The following ZFPM2 variants were observed in gnomAD, a reference collection of about 807,000 sequenced individuals.
The protein encoded by ZFPM2 is zinc finger protein ZFPM2.
In ZFPM2, 20 loss-of-function variants were observed where a neutral mutation model predicts 98.6. The observed-to-expected ratio is 0.20, with a 90% CI of 0.14 to 0.29. ZFPM2 has a LOEUF of 0.29. Among genes scored for constraint, ZFPM2 ranks in the 10% least tolerant of loss-of-function variants. The pLI is 1.00. For missense variants in ZFPM2, 1,310 were observed against 1,388.6 expected, an observed-to-expected ratio of 0.94 and a Z score of 0.90; for synonymous variants, 518 against 502.7, an observed-to-expected ratio of 1.03 and a Z score of -0.41.
At chr8:105,499,870 C>A (rs1485245667) in intron 3 of ZFPM2, among the ~76,000 whole-genome samples, 3 of 152,082 alleles carry the variant, frequency 2.0e-5, no homozygotes, top group Non-Finnish European at 2.9e-5. Flanking sequence ...GTAGGATTTG[C>A]AATGACAGGA....
chr8:105,613,303 G>A (rs1173579468), intron 4 of ZFPM2, among the ~76,000 whole-genome samples: 2 of 152,006 alleles, frequency 1.3e-5, no homozygotes, highest in East Asian at 3.9e-4. Flanking sequence ...GGAAGAAGAC[G>A]GGGCTGGGAG....
At chr8:105,372,104 G>A (rs534743707) in intron 1 of ZFPM2, among the ~76,000 whole-genome samples, 112 of 151,742 alleles carry the variant, frequency 7.4e-4, no homozygotes, top group Admixed American at 1.4e-3. Flanking sequence ...GTGCAGTGGC[G>A]TGATCTCGGC....
chr8:105,685,539 AT>A (rs545226646), intron 5 of ZFPM2, among the ~76,000 whole-genome samples: 97 of 152,084 alleles, frequency 6.4e-4, no homozygotes, highest in African/African-American at 2.2e-3. Context: ...AACACAAGTG[AT>A]TTTTTATGAC....
intron 5 of ZFPM2, among the ~76,000 whole-genome samples, chr8:105,761,963 C>A (rs922774566): frequency 1.3e-5 from 2 of 151,766 alleles, no homozygotes; most frequent in African/African-American, 4.8e-5. Flanking sequence ...ACTTTTTGAT[C>A]AATAAAAGTT....
chr8:105,736,035 A>G (rs1473719374), intron 5 of ZFPM2, among the ~76,000 whole-genome samples: 1 of 151,904 alleles, frequency 6.6e-6, no homozygotes, highest in Non-Finnish European at 1.5e-5. Context: ...TGTTAAAGAT[A>G]TGTCACTTGA....
chr8:105,571,265 C>T (rs1405035274), intron 4 of ZFPM2, among the ~76,000 whole-genome samples: 1 of 152,086 alleles, frequency 6.6e-6, no homozygotes, highest in African/African-American at 2.4e-5. Context: ...TCGTATTTGC[C>T]AAAAACAGAA....
chr8:105,338,693 G>A (rs1650009071), intron 1 of ZFPM2, among the ~76,000 whole-genome samples: 1 of 151,822 alleles, frequency 6.6e-6, no homozygotes. Context: ...TAAAAACTCA[G>A]CTTTCTCTTA....
chr8:105,321,616 C>G (rs1179800082), intron 1 of ZFPM2, among the ~76,000 whole-genome samples: 1 of 151,726 alleles, frequency 6.6e-6, no homozygotes, highest in Non-Finnish European at 1.5e-5. Context: ...TTTTCTTTTA[C>G]TGCATACAGT....
chr8:105,527,500 T>TAAAACA (rs1814200024), intron 3 of ZFPM2, among the ~76,000 whole-genome samples: 2 of 152,220 alleles, frequency 1.3e-5, no homozygotes, highest in African/African-American at 4.8e-5. Context: ...AGTTTTGTTT[T>TAAAACA]AAGTTGTGCG....
intron 6 of ZFPM2, 161 bp downstream of exon 6, chr8:105,789,085 G>T: frequency 1.1e-5 from 7 of 619,612 alleles, no homozygotes; most frequent in South Asian, 3.2e-5. Context: ...AGAAAATGAT[G>T]TTACTTTTTT....
intron 1 of ZFPM2, among the ~76,000 whole-genome samples, chr8:105,412,143 C>T (rs137887454): frequency 6.7e-4 from 102 of 151,872 alleles, no homozygotes; most frequent in Admixed American, 2.1e-3. Context: ...AAGAATATTA[C>T]TCCATTTTTA....
At chr8:105,607,751 CA>C (rs1216641706) in intron 4 of ZFPM2, among the ~76,000 whole-genome samples, 2 of 152,062 alleles carry the variant, frequency 1.3e-5, no homozygotes, top group Non-Finnish European at 2.9e-5. Context: ...AATTTGTAAC[CA>C]GTTCCGCTAC....
intron 1 of ZFPM2, among the ~76,000 whole-genome samples, chr8:105,408,529 C>T (rs1445673212): frequency 1.3e-5 from 2 of 151,804 alleles, no homozygotes; most frequent in African/African-American, 4.8e-5. Flanking sequence ...GGAGATCTGT[C>T]GGAGGTTTTC....
chr8:105,766,891 C>T (rs746061240), intron 5 of ZFPM2, among the ~76,000 whole-genome samples: 20 of 151,808 alleles, frequency 1.3e-4, no homozygotes, highest in Non-Finnish European at 2.4e-4. Context: ...AGATACCACA[C>T]TAAAGGAGGT....
intron 3 of ZFPM2, among the ~76,000 whole-genome samples, chr8:105,477,017 C>G (rs2130370221): frequency 6.6e-6 from 1 of 152,190 alleles, no homozygotes; most frequent in Non-Finnish European, 1.5e-5. Context: ...GTTGTCACAG[C>G]TATGCCGGTG....
intron 3 of ZFPM2, among the ~76,000 whole-genome samples, chr8:105,461,520 C>G (rs754436120): frequency 1.3e-5 from 2 of 152,080 alleles, no homozygotes; most frequent in Non-Finnish European, 2.9e-5. Flanking sequence ...TAAAGGTAAA[C>G]TTAATAAATC....
At chr8:105,394,873 T>C (rs1265463111) in intron 1 of ZFPM2, among the ~76,000 whole-genome samples, 9 of 152,220 alleles carry the variant, frequency 5.9e-5, no homozygotes, top group Non-Finnish European at 1.3e-4. Flanking sequence ...AAGCAGCATT[T>C]GGAATCTTGA....
chr8:105,680,911 A>T (rs1810585144), intron 5 of ZFPM2, among the ~76,000 whole-genome samples: 1 of 152,186 alleles, frequency 6.6e-6, no homozygotes, highest in Non-Finnish European at 1.5e-5. Context: ...ACACAAAAAT[A>T]TCAAGGAGCA....
intron 3 of ZFPM2, among the ~76,000 whole-genome samples, chr8:105,549,937 G>A (rs1205379679): frequency 2.5e-5 from 2 of 80,826 alleles, no homozygotes; most frequent in Non-Finnish European, 2.2e-5. Context: ...TCTTAGGCTA[G>A]TAATGCATAA....
Sources: allele counts gnomAD v4.1 joint callset (sites outside exome capture counted in the v4.1 genomes callset), GRCh38; gene constraint gnomAD v4.1.1; transcripts MANE v1.5; gene names NCBI Gene and HGNC (gene_info 2026-07-23, HGNC 2026-07-21).